TICRR: variants seen among roughly 807,000 people sequenced by gnomAD.
The protein encoded by TICRR is treslin.
In TICRR, 132 loss-of-function variants were observed where a neutral mutation model predicts 178.1. The observed-to-expected ratio is 0.74, with a 90% CI of 0.64 to 0.86. TICRR has a LOEUF of 0.86. TICRR is among the 40% of genes least tolerant of loss of function. The pLI, the probability that TICRR is intolerant of heterozygous loss-of-function variation, is 0.00. For missense variants in TICRR, 2,587 were observed against 2,334.3 expected (o/e 1.11, Z -2.23); for synonymous variants, 991 against 900.7 (o/e 1.10, Z -1.79).
intron 1 of TICRR, among the ~76,000 whole-genome samples, chr15:89,576,487 C>T (rs749680454): frequency 1.3e-5 from 2 of 152,238 alleles, no homozygotes; most frequent in South Asian, 4.1e-4. Context: ...TTCCTACACA[C>T]TACATCTACT....
Position 89,625,449 on chromosome 15 carries a change from G to A in TICRR, c.5139G>A (p.Leu1713=), listed in dbSNP as rs1161429785. The stretch of plus-strand genomic sequence containing the variant: ...TCGGTGCAGACCTTCCTGGGAGCCT[G>A]TCACTGCTTGAGTCAGAGGGCAAGG... ...GEVGADLPGS[L]SLLESEGKDH... is the part of the protein sequence containing the mutation. The change falls in exon 20 of 22, where the codon CTG becomes CTA. Residue 1713 remains leucine (L), a synonymous_variant. Transcript: ENST00000268138. The A allele has an allele frequency of 6.2e-7, 1 of 1,613,966 alleles. No homozygotes were observed. The highest frequency in any genetic ancestry group is 8.5e-7 in the Non-Finnish European group (1 of 1,180,010).
At chr15:89,619,054 A>G (rs2141979056) in intron 17 of TICRR, among the ~76,000 whole-genome samples, 2 of 152,328 alleles carry the variant, frequency 1.3e-5, no homozygotes, top group Middle Eastern at 3.4e-3. Flanking sequence ...TGTGGAAAAA[A>G]CAGGAAACAT....
rs570797887 is a variant in TICRR, at chr15:89,608,961, C to T, written c.2869+12C>T. The T allele has an allele frequency of 5.2e-5, 82 of 1,575,360 alleles. No individual in the cohort carries two copies. In the South Asian group the frequency reaches 9.2e-4, roughly 18 times the overall value. ...CAAGAAGAACAAAGGTACCACATTT[C>T]AGAATAGCTAGGAAAAAGGAAAGGG... On this transcript the variant is annotated intron_variant, in intron 15 of 21. Coordinates refer to ENST00000268138, the MANE Select transcript of TICRR (RefSeq NM_152259.4).
chr15:89,615,725 C>T (rs1372674410), intron 15 of TICRR, among the ~76,000 whole-genome samples: 1 of 152,136 alleles, frequency 6.6e-6, no homozygotes, highest in Non-Finnish European at 1.5e-5. Flanking sequence ...TTTTATGCCA[C>T]CTACGTTTAT....
In TICRR at chr15:89,626,996, T is replaced by A. The variant is rs1433773004; in HGVS notation, c.5643T>A (p.Ser1881=). 1 of 1,614,046 alleles carries A rather than the reference T, an allele frequency of 6.2e-7. No homozygotes were observed. The highest frequency in any genetic ancestry group is 8.5e-7 in the Non-Finnish European group (1 of 1,180,032). Residue 1881 remains serine (S), a synonymous_variant, in exon 22 of 22, where the codon TCT becomes TCA. Coordinates refer to ENST00000268138, the MANE Select transcript of TICRR (RefSeq NM_152259.4). ...VDVLPSTVED[S]PFSRAFSRRR... is the part of the protein sequence containing the mutation. ...TTCTTCCCTCCACTGTAGAAGACTCTCCTTTCAGTCGCGCTTTCTCCAGGA... is the reference window on the plus strand; with the variant it reads ...TTCTTCCCTCCACTGTAGAAGACTCACCTTTCAGTCGCGCTTTCTCCAGGA...
intron 1 of TICRR, among the ~76,000 whole-genome samples, chr15:89,576,815 GTGTGTGTATATATATATATATATATA>G (rs1189691315): frequency 1.2e-4 from 13 of 106,868 alleles, no homozygotes; most frequent in South Asian, 3.1e-4. Context: ...GTGTGTATGT[GTGTGTGTATATATATATATATATATA>G]TATATATATA....
chr15:89,617,771 A>G (rs1441064681), intron 16 of TICRR, among the ~76,000 whole-genome samples: 1 of 149,286 alleles, frequency 6.7e-6, no homozygotes, highest in Non-Finnish European at 1.5e-5. Flanking sequence ...GGCTCACTGC[A>G]ACGTCTGCCT....
intron 18 of TICRR, among the ~76,000 whole-genome samples, chr15:89,621,056 G>A (rs1596058174): frequency 6.6e-6 from 1 of 151,494 alleles, no homozygotes; most frequent in Non-Finnish European, 1.5e-5. Flanking sequence ...TTGTGCTCTT[G>A]TTGCCCAGGC....
chr15:89,595,698 T>A, intron 7 of TICRR, 87 bp downstream of exon 7: 1 of 877,366 alleles, frequency 1.1e-6, no homozygotes, highest in Non-Finnish European at 1.8e-6. Flanking sequence ...ATTGACTATC[T>A]GCTACATGCA....
At position 89,618,159 on chromosome 15, in the gene TICRR, G is replaced by C. The variant is rs1464442133; in HGVS notation, c.2968G>C (p.Asp990His). 3.1e-6 allele frequency: 5 copies of C among 1,614,170 alleles called. No homozygotes were observed. The highest frequency in any genetic ancestry group is 3.4e-6 in the Non-Finnish European group (4 of 1,180,016). The change falls in exon 17 of 22, where the codon GAT becomes CAT. Residue 990 changes from aspartate (D) to histidine (H), a missense_variant. By Grantham distance (81) the Asp-to-His change is moderately conservative. Transcript: ENST00000268138. ...TGCATGTGGTTCCTCGAGGTCCTCT[G>C]ATCCTGGTCCTGATATTGGTGTTGT... The part of the protein sequence containing the change: ...LHRQIKGRSS[D>H]PGPDIGVVEE...
chr15:89,622,845 C>T (rs1023547100), intron 19 of TICRR, among the ~76,000 whole-genome samples: 1 of 152,200 alleles, frequency 6.6e-6, no homozygotes, highest in Non-Finnish European at 1.5e-5. Context: ...CTTCCCCTGC[C>T]GACACCCAAG....
Position 89,602,864 on chromosome 15 carries a change from C to T in TICRR, c.2636C>T (p.Pro879Leu). ...VSQNLRQIEIPKVSKRATKKE... is the reference protein window; with the variant it reads ...VSQNLRQIEILKVSKRATKKE... ...CAGAATCTTCGACAAATTGAAATTC[C>T]TAAAGTGTCAAAGAGAGCTACGAAA... The change falls in exon 13 of 22, where the codon CCT (proline) becomes CTT (leucine). Residue 879 changes from proline to leucine, a missense_variant. Coordinates refer to ENST00000268138, the MANE Select transcript of TICRR (RefSeq NM_152259.4). 6.5e-7 allele frequency: 1 copy of T among 1,529,644 alleles called. No homozygotes were observed. Among genetic ancestry groups the T allele is most frequent in the South Asian group, 1.3e-5 (1 of 75,472 alleles). 94.8% of individuals were successfully genotyped at this position (1,529,644 alleles called of 1,614,324 possible). A position where few individuals can be genotyped will look rare whatever the true frequency, so the allele number is the denominator to read the frequency against.
rs1334151753 is a variant in TICRR, at chr15:89,624,847, T to G, written c.4537T>G (p.Cys1513Gly). The G allele has an allele frequency of 6.2e-7, 1 of 1,614,080 alleles. No individual in the cohort carries two copies. Among genetic ancestry groups the G allele is most frequent in the East Asian group, 2.2e-5 (1 of 44,890 alleles). The change falls in exon 20 of 22, where the codon TGT becomes GGT. Residue 1513 changes from cysteine to glycine, a missense_variant. Cys to Gly is a radical substitution (Grantham distance 159). Coordinates refer to ENST00000268138, the MANE Select transcript of TICRR (RefSeq NM_152259.4). ...HPGIPPSPPS[C>G]GPGSPLMPSR... ...TGGGATTCCCCCATCTCCTCCTTCCTGTGGGCCTGGCTCTCCTCTGATGCC... is the reference window on the plus strand; with the variant it reads ...TGGGATTCCCCCATCTCCTCCTTCCGGTGGGCCTGGCTCTCCTCTGATGCC...
intron 8 of TICRR, among the ~76,000 whole-genome samples, chr15:89,600,092 C>T (rs1567044993): frequency 1.3e-5 from 2 of 152,138 alleles, no homozygotes; most frequent in Admixed American, 6.5e-5. Flanking sequence ...GGCAACGGAG[C>T]GAGACTCCAT....
intron 15 of TICRR, among the ~76,000 whole-genome samples, chr15:89,609,686 G>C (rs777810217): frequency 5.3e-5 from 8 of 152,026 alleles, no homozygotes; most frequent in Non-Finnish European, 7.4e-5. Flanking sequence ...TGTTGGCCAG[G>C]CTGCTTTCCA....
rs144917314 is a variant in TICRR at position 89,624,461 on chromosome 15, G to A, written c.4151G>A (p.Arg1384Gln). ...PPPPPSKVGKRCRKTSDPRRS... is the reference protein window; with the variant it reads ...PPPPPSKVGKQCRKTSDPRRS... ...CCACCCCCTTCTAAAGTTGGGAAACGGTGTAGAAAGACCTCTGATCCCAGA... is the reference window on the plus strand; with the variant it reads ...CCACCCCCTTCTAAAGTTGGGAAACAGTGTAGAAAGACCTCTGATCCCAGA... The change falls in exon 20 of 22, where the codon CGG becomes CAG. Residue 1384 changes from arginine to glutamine, a missense_variant. Arg to Gln is a conservative substitution (Grantham distance 43). Transcript: ENST00000268138. The A allele has an allele frequency of 1.6e-3, 2,586 of 1,614,140 alleles. 10 individuals carry two copies. The highest frequency in any genetic ancestry group is 1.2e-3 in the Non-Finnish European group (1,431 of 1,180,032).
chr15:89,625,839 C>T, intron 20 of TICRR, 53 bp downstream of exon 20: 2 of 1,555,806 alleles, frequency 1.3e-6, no homozygotes, highest in Non-Finnish European at 1.7e-6. Context: ...GGTCAGAGTG[C>T]TTGACAAGGA....
At chr15:89,608,249 A>G in intron 14 of TICRR, among the ~76,000 whole-genome samples, 1 of 152,210 alleles carries the variant, frequency 6.6e-6, no homozygotes, top group Non-Finnish European at 1.5e-5. Context: ...AACAAATTGT[A>G]TAACCTAGAT....
intron 1 of TICRR, among the ~76,000 whole-genome samples, chr15:89,581,261 A>G (rs1160021867): frequency 6.6e-6 from 1 of 152,208 alleles, no homozygotes; most frequent in East Asian, 1.9e-4. Flanking sequence ...CATGATGAGC[A>G]TATTCTAAGG....
Sources: gnomAD v4.1 joint callset for allele counts (sites outside exome capture counted in the v4.1 genomes callset) on GRCh38, gnomAD v4.1.1 for gene constraint, MANE v1.5 for transcripts, NCBI Gene and HGNC (gene_info 2026-07-23, HGNC 2026-07-21) for gene names.